Variants in CPLX2 observed in about 807,000 individuals in gnomAD.
CPLX2 encodes complexin 2.
A neutral mutation model predicts 16.3 loss-of-function variants in CPLX2; 5 were observed. That is an observed-to-expected ratio of 0.31 (90% CI 0.16 to 0.64). CPLX2 has a LOEUF of 0.64. Ranked by LOEUF, CPLX2 falls within the 30% of genes least tolerant of loss-of-function variation. CPLX2 has a pLI of 0.79. For synonymous variants in CPLX2, 89 were observed against 73.2 expected (o/e 1.22, Z -1.10); for missense variants, 144 against 181.4 (o/e 0.79, Z 1.18).
intron 2 of CPLX2, among the ~76,000 whole-genome samples, chr5:175,828,928 T>C (rs1450159372): frequency 1.3e-5 from 2 of 152,166 alleles, no homozygotes; most frequent in African/African-American, 2.4e-5. Flanking sequence ...CTCCCCCATC[T>C]GACAGGTGGA....
At chr5:175,817,606 A>G (rs1758432386) in intron 2 of CPLX2, among the ~76,000 whole-genome samples, 1 of 151,856 alleles carries the variant, frequency 6.6e-6, no homozygotes, top group Non-Finnish European at 1.5e-5. Context: ...TCCATTTTTT[A>G]ATTACTCCCA....
chr5:175,866,921 A>C (rs570762023), upstream of CPLX2, among the ~76,000 whole-genome samples: 2 of 152,248 alleles, frequency 1.3e-5, no homozygotes, highest in Admixed American at 1.3e-4. Flanking sequence ...GAAAATAAAA[A>C]AAATAAAAAT....
intron 2 of CPLX2, among the ~76,000 whole-genome samples, chr5:175,835,696 A>G (rs1758816581): frequency 6.9e-6 from 1 of 145,032 alleles, no homozygotes; most frequent in Admixed American, 6.8e-5. Flanking sequence ...TCTTTGTTGT[A>G]AGTGGTTTTT....
At chr5:175,817,705 TCA>T (rs1176638195) in intron 2 of CPLX2, among the ~76,000 whole-genome samples, 1 of 152,200 alleles carries the variant, frequency 6.6e-6, no homozygotes, top group East Asian at 1.9e-4. Context: ...GGCTGACTAA[TCA>T]CAGTCTTTGC....
At chr5:175,806,940 G>T (rs1394127325) in intron 1 of CPLX2, among the ~76,000 whole-genome samples, 1 of 152,186 alleles carries the variant, frequency 6.6e-6, no homozygotes, top group Non-Finnish European at 1.5e-5. Context: ...TGTGTGGTAG[G>T]GGTTATGACA....
At chr5:175,824,025 C>T (rs1304613797) in intron 2 of CPLX2, among the ~76,000 whole-genome samples, 1 of 152,162 alleles carries the variant, frequency 6.6e-6, no homozygotes, top group African/African-American at 2.4e-5. Flanking sequence ...AGGGACCGAT[C>T]CTCCTGTCCC....
At chr5:175,822,903 T>C (rs1758539186) in intron 2 of CPLX2, among the ~76,000 whole-genome samples, 1 of 152,234 alleles carries the variant, frequency 6.6e-6, no homozygotes, top group African/African-American at 2.4e-5. Flanking sequence ...GGGGAACATC[T>C]TCCCAGAGAG....
intron 2 of CPLX2, among the ~76,000 whole-genome samples, chr5:175,856,836 T>A (rs1346096597): frequency 6.6e-6 from 1 of 152,132 alleles, no homozygotes; most frequent in Admixed American, 6.5e-5. Context: ...GGCTGTTGTC[T>A]TCATCAGTAG....
chr5:175,867,304 G>A (rs1023249474), upstream of CPLX2, among the ~76,000 whole-genome samples: 1 of 152,086 alleles, frequency 6.6e-6, no homozygotes, highest in South Asian at 2.1e-4. Context: ...AGTGACACAT[G>A]TTCCAGCCCA....
intron 2 of CPLX2, among the ~76,000 whole-genome samples, chr5:175,847,260 G>A (rs1759060520): frequency 6.6e-6 from 1 of 152,194 alleles, no homozygotes; most frequent in South Asian, 2.1e-4. Flanking sequence ...AGCCGCGTGG[G>A]GGAGTGCGAG....
In CPLX2 at chr5:175,860,611, G is replaced by GAAGT. The variant is rs1269131956; in HGVS notation, c.-88-18038_-88-18037insTAAG. On this transcript the variant is annotated intron_variant, in intron 2 of 4. Transcript: ENST00000359546. ...GGAAGGAAGGAAGGAAGGAAGGAAG[G>GAAGT]AAGGAAGGAAGGAAGGAAGGAAGGA... Among the ~76,000 whole-genome samples, 21 of 149,910 alleles carry GAAGT rather than the reference G, an allele frequency of 1.4e-4. No individual in the cohort carries two copies. In the South Asian group the frequency reaches 4.3e-3, roughly 30 times the overall value.
intron 1 of CPLX2, among the ~76,000 whole-genome samples, chr5:175,877,866 C>T (rs76528387): frequency 0.044 from 6,658 of 152,192 alleles, 500 homozygotes; most frequent in African/African-American, 0.15. Flanking sequence ...AAACTGAAAG[C>T]CGGTGATTTA....
chr5:175,872,464 G>C lies in CPLX2; in HGVS notation c.-89+759G>C, dbSNP rs1400356061. Among the ~76,000 whole-genome samples, 1 of 152,070 alleles carries C rather than the reference G, an allele frequency of 6.6e-6. No homozygotes were observed. The highest frequency in any genetic ancestry group is 1.9e-4 in the East Asian group (1 of 5,150). ...TGGGGTTGGAGCTATGTGTGTTGGG[G>C]GAAGGGGCGCTCTCCGTGGCCCACC... is the stretch of plus-strand genomic sequence containing the variant. On this transcript the variant is annotated intron_variant, in intron 1 of 3. Coordinates refer to ENST00000393745, the MANE Select transcript of CPLX2 (RefSeq NM_001008220.2). This position sits in a 1 kb window ranked among gnomAD's most constrained non-coding sequence, Gnocchi z 5.0.
rs577556466 is a variant in CPLX2, at chr5:175,880,289, CA to C, written c.*245del. On this transcript the variant is annotated 3_prime_UTR_variant, in exon 4 of 4. Transcript: ENST00000393745. ...AGGACAGTCTTTCCCCAGCAGGGGT[CA>C]GGGGGGCCCCTCAGGAAGCCTAAGG... 1,166 of 599,448 alleles carry C rather than the reference CA, an allele frequency of 1.9e-3. 10 individuals are homozygous for C. The highest frequency in any genetic ancestry group is 4.0e-3 in the South Asian group (226 of 56,252). The allele number at this position is 599,448 out of a possible 1,614,324, so 37.1% of individuals were successfully genotyped here.
chr5:175,863,817 A>G (rs1335500849), intron 2 of CPLX2, among the ~76,000 whole-genome samples: 1 of 152,144 alleles, frequency 6.6e-6, no homozygotes, highest in East Asian at 1.9e-4. Context: ...CACAGTTCCC[A>G]TTTTGGAGGA....
chr5:175,871,924 G>T (rs1388971432), intron 1 of CPLX2: 1 of 152,242 alleles, frequency 6.6e-6, no homozygotes, highest in African/African-American at 2.4e-5. Flanking sequence ...AGCTCCTTGC[G>T]AGGGGCCGCG....
chr5:175,866,178 C>T (rs1311601124), intron 2 of CPLX2, among the ~76,000 whole-genome samples: 1 of 152,208 alleles, frequency 6.6e-6, no homozygotes, highest in Non-Finnish European at 1.5e-5. Context: ...TGATGCTACA[C>T]TGATTGTGCC....
chr5:175,802,613 A>G (rs1758120396), intron 1 of CPLX2, among the ~76,000 whole-genome samples: 1 of 152,146 alleles, frequency 6.6e-6, no homozygotes, highest in African/African-American at 2.4e-5. Context: ...CCTGGCTCTC[A>G]CATCAGGAAC....
intron 2 of CPLX2, among the ~76,000 whole-genome samples, chr5:175,818,900 T>C (rs568559890): frequency 1.3e-5 from 2 of 152,216 alleles, no homozygotes; most frequent in African/African-American, 2.4e-5. Context: ...CTTGATCTCA[T>C]GATCGGCCCA....
Sources: allele counts gnomAD v4.1 joint callset (sites outside exome capture counted in the v4.1 genomes callset), GRCh38; gene constraint gnomAD v4.1.1; non-coding constraint Gnocchi (gnomAD v3.1); transcripts MANE v1.5; gene names NCBI Gene and HGNC (gene_info 2026-07-23, HGNC 2026-07-21).